SWT1: variants seen among roughly 807,000 people sequenced by gnomAD.
SWT1 encodes the protein transcriptional protein SWT1.
SWT1 carries 33 observed loss-of-function variants against 107.3 expected under a neutral mutation model. The observed-to-expected ratio is 0.31, with a 90% CI of 0.23 to 0.41. SWT1 has a LOEUF of 0.41. Among genes scored for constraint, SWT1 ranks in the 10% least tolerant of loss-of-function variants. SWT1 has a pLI of 1.00. For missense variants in SWT1, 898 were observed against 1,028.9 expected, an observed-to-expected ratio of 0.87 and a Z score of 1.74; for synonymous variants, 345 against 348.3, an observed-to-expected ratio of 0.99 and a Z score of 0.11.
At chr1:185,177,611 T>C (rs1459034967) in intron 5 of SWT1, among the ~76,000 whole-genome samples, 1 of 152,224 alleles carries the variant, frequency 6.6e-6, no homozygotes, top group African/African-American at 2.4e-5. Context: ...CCCTGTTTGT[T>C]TTTATGTTTT....
intron 1 of SWT1, among the ~76,000 whole-genome samples, chr1:185,158,900 A>T (rs1653891643): frequency 6.6e-6 from 1 of 152,196 alleles, no homozygotes. Flanking sequence ...TGCAGTGAAG[A>T]TATGTGCCAG....
At chr1:185,265,027 C>T (rs1173412368) in intron 16 of SWT1, among the ~76,000 whole-genome samples, 1 of 152,102 alleles carries the variant, frequency 6.6e-6, no homozygotes, top group Non-Finnish European at 1.5e-5. Flanking sequence ...CCTATAAACT[C>T]TTCCTATTCC....
intron 16 of SWT1, chr1:185,251,359 G>T (rs1662003952): frequency 6.5e-6 from 1 of 152,878 alleles, no homozygotes; most frequent in South Asian, 2.1e-4. Flanking sequence ...ATCACAGACA[G>T]TTACAGATTC....
chr1:185,273,302 G>C (rs1664014072), intron 17 of SWT1, among the ~76,000 whole-genome samples: 1 of 152,124 alleles, frequency 6.6e-6, no homozygotes, highest in East Asian at 1.9e-4. Flanking sequence ...CTACTCGTAA[G>C]GCTGAGGCAG....
chr1:185,257,306 C>T (rs1184313383), intron 16 of SWT1, among the ~76,000 whole-genome samples: 2 of 152,114 alleles, frequency 1.3e-5, no homozygotes, highest in Non-Finnish European at 2.9e-5. Flanking sequence ...TGGTGGGCTC[C>T]ACCCAGTTCG....
intron 9 of SWT1, among the ~76,000 whole-genome samples, chr1:185,190,239 C>G (rs1039338976): frequency 3.3e-5 from 5 of 152,154 alleles, no homozygotes; most frequent in Non-Finnish European, 7.4e-5. Flanking sequence ...ATACTTCCTG[C>G]CCCCACACAA....
chr1:185,200,516 G>A (rs1347925225), intron 10 of SWT1, among the ~76,000 whole-genome samples: 1 of 152,172 alleles, frequency 6.6e-6, no homozygotes, highest in African/African-American at 2.4e-5. Flanking sequence ...CTCTGCTGCA[G>A]GTCTGCTGGA....
chr1:185,223,210 A>C (rs1196226120), intron 15 of SWT1, among the ~76,000 whole-genome samples: 1 of 151,804 alleles, frequency 6.6e-6, no homozygotes, highest in Non-Finnish European at 1.5e-5. Context: ...CATTGCCAAC[A>C]CTTGTTTTTT....
At chr1:185,197,146 G>A (rs1328930442) in intron 10 of SWT1, among the ~76,000 whole-genome samples, 3 of 150,988 alleles carry the variant, frequency 2.0e-5, no homozygotes, top group Non-Finnish European at 3.0e-5. Flanking sequence ...TCGTTCCACC[G>A]AGTTTATTGA....
intron 16 of SWT1, among the ~76,000 whole-genome samples, chr1:185,236,445 C>A (rs1660882320): frequency 6.6e-6 from 1 of 152,060 alleles, no homozygotes; most frequent in African/African-American, 2.4e-5. Context: ...CTTTGACAAA[C>A]CTGACAAAAA....
chr1:185,257,142 A>C (rs1459683842), intron 16 of SWT1, among the ~76,000 whole-genome samples: 1 of 152,116 alleles, frequency 6.6e-6, no homozygotes, highest in Non-Finnish European at 1.5e-5. Flanking sequence ...GCCCGTTCTC[A>C]TATCTCCAGC....
intron 11 of SWT1, among the ~76,000 whole-genome samples, 190 bp from the exon 12 acceptor site, chr1:185,204,510 A>G (rs910637158): frequency 3.9e-5 from 6 of 152,138 alleles, no homozygotes; most frequent in African/African-American, 1.4e-4. Flanking sequence ...TAATATATTT[A>G]TGTTGCATCT....
Position 185,190,708 on chromosome 1 carries a change from A to G in SWT1, c.1523+66A>G. ...AAACCAAATAATTTAAAAAAATCAT[A>G]TGGTATCCAGCATACCAAGGATCAA... On this transcript the variant is annotated intron_variant, in intron 10 of 18. Transcript: ENST00000367500. 4 of 997,902 alleles carry G rather than the reference A, an allele frequency of 4.0e-6. No individual in the cohort carries two copies. In the South Asian group the frequency reaches 6.0e-5, roughly 15 times the overall value. The allele number at this position is 997,902 out of a possible 1,614,324, so 61.8% of individuals were successfully genotyped here.
chr1:185,170,874 C>T (rs368109696), intron 4 of SWT1, among the ~76,000 whole-genome samples: 1 of 152,060 alleles, frequency 6.6e-6, no homozygotes, highest in East Asian at 1.9e-4. Context: ...AGATGAAGGG[C>T]CCAGAAACCT....
At chr1:185,257,760 G>A (rs1488985627) in intron 16 of SWT1, among the ~76,000 whole-genome samples, 1 of 152,258 alleles carries the variant, frequency 6.6e-6, no homozygotes, top group Admixed American at 6.5e-5. Context: ...CACGCTGGTA[G>A]CTGTAGACCA....
At chr1:185,198,076 G>C (rs763976015) in intron 10 of SWT1, among the ~76,000 whole-genome samples, 14 of 152,130 alleles carry the variant, frequency 9.2e-5, no homozygotes, top group Non-Finnish European at 1.3e-4. Flanking sequence ...TGTGCTTTTA[G>C]TGCTATAAAT....
chr1:185,242,692 G>T (rs1014783026), intron 16 of SWT1, among the ~76,000 whole-genome samples: 1 of 152,110 alleles, frequency 6.6e-6, no homozygotes, highest in Non-Finnish European at 1.5e-5. Flanking sequence ...ACTTCTTGAA[G>T]ACAACAAATA....
In SWT1 at chr1:185,290,978, T is replaced by C; in HGVS notation, c.*175T>C. 2.4e-6 allele frequency: 1 copy of C among 416,142 alleles called. No individual in the cohort carries two copies. Among genetic ancestry groups the C allele is most frequent in the Non-Finnish European group, 4.2e-6 (1 of 237,544 alleles). The allele number at this position is 416,142 out of a possible 1,614,324, so 25.8% of individuals were successfully genotyped here. ...CATTGTAGCTCTAAAAAGCCTAATG[T>C]ATCCACTGTGGAATAAACTCCATAG... On this transcript the variant is annotated 3_prime_UTR_variant, in exon 19 of 19. Coordinates refer to ENST00000367500, the MANE Select transcript of SWT1 (RefSeq NM_017673.7).
intron 13 of SWT1, among the ~76,000 whole-genome samples, chr1:185,207,599 G>T (rs1658437897): frequency 6.6e-6 from 1 of 152,198 alleles, no homozygotes; most frequent in African/African-American, 2.4e-5. Context: ...GATTTGTCTT[G>T]TTATGCCTTT....
Sources: gnomAD v4.1 joint callset for allele counts (sites outside exome capture counted in the v4.1 genomes callset) on GRCh38, gnomAD v4.1.1 for gene constraint, MANE v1.5 for transcripts, NCBI Gene and HGNC (gene_info 2026-07-23, HGNC 2026-07-21) for gene names.